ZSCAN31: variants seen among roughly 807,000 people sequenced by gnomAD.
ZSCAN31 encodes the protein zinc finger and SCAN domain-containing protein 31.
In ZSCAN31, 14 loss-of-function variants were observed where a neutral mutation model predicts 22.5. The ratio of observed to expected loss-of-function variants is 0.62; its 90% CI spans 0.41 to 0.97. The LOEUF (loss-of-function observed/expected upper bound fraction) is 0.97. Ranked by LOEUF, ZSCAN31 falls within the 50% of genes least tolerant of loss-of-function variation. ZSCAN31 has a pLI of 0.00. For missense variants in ZSCAN31, 424 were observed against 483.4 expected, an observed-to-expected ratio of 0.88 and a Z score of 1.15; for synonymous variants, 168 against 169.8, an observed-to-expected ratio of 0.99 and a Z score of 0.08.
upstream of ZSCAN31, among the ~76,000 whole-genome samples, chr6:28,339,573 C>T (rs1176800781): frequency 6.6e-6 from 1 of 152,196 alleles, no homozygotes; most frequent in Non-Finnish European, 1.5e-5. Context: ...CAGGCATGAG[C>T]CACCACGCCT....
At position 28,326,464 on chromosome 6, in the gene ZSCAN31, T is replaced by C. The variant is rs768651152; in HGVS notation, c.923A>G (p.Asn308Ser). 4.3e-6 allele frequency: 7 copies of C among 1,614,026 alleles called. No individual in the cohort carries two copies. Among genetic ancestry groups the C allele is most frequent in the Non-Finnish European group, 1.7e-6 (2 of 1,179,978 alleles). Residue 308 changes from asparagine to serine, a missense_variant, in exon 4 of 4, where the codon AAT becomes AGT. Physicochemically the swap from Asn to Ser is conservative, Grantham distance 46 (BLOSUM62 1). Transcript: ENST00000344279. ...GATTCTTCTGTGTCGAGTGAGGCCA[T>C]TGCTGGCACTGAAGGCTTTCCCACA... is the stretch of plus-strand genomic sequence containing the variant. ...KECGKAFSAS[N>S]GLTRHRRIHT... is the part of the protein sequence containing the mutation.
chr6:28,326,703 C>T lies in ZSCAN31; in HGVS notation c.684G>A (p.Lys228=), dbSNP rs778088058. The T allele has an allele frequency of 1.2e-6, 2 of 1,614,188 alleles. No individual in the cohort carries two copies. The highest frequency in any genetic ancestry group is 1.7e-6 in the Non-Finnish European group (2 of 1,180,028). Reference sequence around the variant, plus strand: ...TCTCTCCAGTGGAATGTGCCTGCTGCTTTTCTGCCTTGCTGTCTCGTTTAC... The same window carrying T: ...TCTCTCCAGTGGAATGTGCCTGCTGTTTTTCTGCCTTGCTGTCTCGTTTAC... ...ETCKRDSKAE[K]QQAHSTGERR... Residue 228 remains lysine, a synonymous_variant, in exon 4 of 4, where the codon AAG becomes AAA. Transcript: ENST00000344279.
chr6:28,348,157 C>A (rs1764726432), intron 2 of ZSCAN31, among the ~76,000 whole-genome samples: 1 of 152,024 alleles, frequency 6.6e-6, no homozygotes, highest in Non-Finnish European at 1.5e-5. Flanking sequence ...TATCTTCTCC[C>A]AACCTTTTAA....
At chr6:28,328,189 G>A (rs1763453022) in intron 2 of ZSCAN31, among the ~76,000 whole-genome samples, 1 of 152,356 alleles carries the variant, frequency 6.6e-6, no homozygotes, top group East Asian at 1.9e-4. Flanking sequence ...AATTGCTAAT[G>A]AAGTTTCGGG....
chr6:28,352,324 T>C (rs1459229844), intron 2 of ZSCAN31, among the ~76,000 whole-genome samples: 1 of 152,176 alleles, frequency 6.6e-6, no homozygotes, highest in Non-Finnish European at 1.5e-5. Context: ...TGATTTTTTT[T>C]TCATTGCAAT....
rs142223162 is a variant in ZSCAN31, at chr6:28,329,313, G to C, written c.371C>G (p.Pro124Arg). ...TCTTTCTCCTCTCACCTGGTTCCCTGGCTCACTAAGCTCTTGTTCCAGATC... is the reference window on the plus strand; with the variant it reads ...TCTTTCTCCTCTCACCTGGTTCCCTCGCTCACTAAGCTCTTGTTCCAGATC... ...VEDLEQELSE[P>R]GNQAPDHEHG... The change falls in exon 2 of 4, where the codon CCA becomes CGA. Residue 124 changes from proline (P) to arginine (R), a missense_variant. Physicochemically the swap from Pro to Arg is moderately radical, Grantham distance 103. Transcript: ENST00000344279. 6.3e-7 allele frequency: 1 copy of C among 1,577,798 alleles called. No homozygotes were observed. The highest frequency in any genetic ancestry group is 8.6e-7 in the Non-Finnish European group (1 of 1,165,076).
intron 2 of ZSCAN31, among the ~76,000 whole-genome samples, chr6:28,345,755 C>A (rs547975171): frequency 6.6e-6 from 1 of 152,252 alleles, no homozygotes; most frequent in East Asian, 1.9e-4. Context: ...ACCATGGGAT[C>A]CACTGGTTCT....
chr6:28,339,645 G>A (rs1396238633), upstream of ZSCAN31, among the ~76,000 whole-genome samples: 1 of 152,122 alleles, frequency 6.6e-6, no homozygotes, highest in Non-Finnish European at 1.5e-5. Context: ...ATTTAATTTT[G>A]TAATTTAGCA....
Position 28,326,298 on chromosome 6 carries a change from A to G in ZSCAN31, c.1089T>C (p.Asn363=). ...CRECGKAFIQ[N]AGLFQHLRVH... The stretch of plus-strand genomic sequence containing the variant: ...CTCGGAGATGCTGGAAAAGCCCTGC[A>G]TTCTGAATGAAGGCTTTGCCACACT... Residue 363 remains asparagine (N), a synonymous_variant, in exon 4 of 4, where the codon AAT becomes AAC. Coordinates refer to ENST00000344279, the MANE Select transcript of ZSCAN31 (RefSeq NM_030899.5). 1 of 1,614,200 alleles carries G rather than the reference A, an allele frequency of 6.2e-7. No homozygotes were observed. Among genetic ancestry groups the G allele is most frequent in the Non-Finnish European group, 8.5e-7 (1 of 1,180,034 alleles).
Position 28,327,483 on chromosome 6 carries a change from T to C in ZSCAN31, c.432A>G (p.Glu144=), listed in dbSNP as rs551948604. Reference sequence around the variant, plus strand: ...TTGGTTCCTGCTTGACCTTCAGATGTTCCACATCCTCCAAGAGCACTTCAG... The same window carrying C: ...TTGGTTCCTGCTTGACCTTCAGATGCTCCACATCCTCCAAGAGCACTTCAG... The part of the protein sequence containing the change: ...GHSEVLLEDV[E]HLKVKQEPTD... The change falls in exon 3 of 4, where the codon GAA becomes GAG. Residue 144 remains glutamate (E), a synonymous_variant. Transcript: ENST00000344279. The C allele has an allele frequency of 3.7e-6, 6 of 1,614,014 alleles. No individual in the cohort carries two copies. In the South Asian group the frequency reaches 4.4e-5, roughly 12 times the overall value.
At chr6:28,335,830 C>T (rs1383779383) in intron 1 of ZSCAN31, 1 of 152,256 alleles carries the variant, frequency 6.6e-6, no homozygotes, top group Non-Finnish European at 1.5e-5. Context: ...CTAACCTCAC[C>T]TTTGTGTCTG....
chr6:28,353,979 T>A (rs1765243061), intron 1 of ZSCAN31: 1 of 454,592 alleles, frequency 2.2e-6, no homozygotes, highest in Admixed American at 2.3e-5. Context: ...TATGATTTTA[T>A]TCAGCAGCAG....
intron 1 of ZSCAN31, among the ~76,000 whole-genome samples, chr6:28,334,084 C>T (rs943687781): frequency 2.0e-5 from 3 of 152,130 alleles, no homozygotes; most frequent in Non-Finnish European, 4.4e-5. Context: ...AGAGCTTAAC[C>T]TTTGTAAAAG....
chr6:28,339,495 C>A (rs561979006), upstream of ZSCAN31, among the ~76,000 whole-genome samples: 5 of 151,790 alleles, frequency 3.3e-5, no homozygotes, highest in East Asian at 9.7e-4. Flanking sequence ...GCCGTGTTGG[C>A]CAGGCTGGTC....
In ZSCAN31 at chr6:28,351,664, T is replaced by C. The variant is rs928258238; in HGVS notation, c.-371+2198A>G. Among the ~76,000 whole-genome samples the C allele has an allele frequency of 6.6e-6, 1 of 151,584 alleles. No homozygotes were observed. Among genetic ancestry groups the C allele is most frequent in the Non-Finnish European group, 1.5e-5 (1 of 67,864 alleles). On this transcript the variant is annotated intron_variant, in intron 2 of 7. Transcript: ENST00000396838. This position sits in a 1 kb window ranked among gnomAD's most constrained non-coding sequence, Gnocchi z 4.6. ...CCCTTTTGTCTCCCTCCTTCCCTTT[T>C]ACTTCCTCCCTCTTTCCCTCTCTCC...
chr6:28,329,305 G>T lies in ZSCAN31; in HGVS notation c.379C>A (p.Gln127Lys), dbSNP rs374438030. 5 of 1,571,426 alleles carry T rather than the reference G, an allele frequency of 3.2e-6. No homozygotes were observed. In the East Asian group the frequency reaches 6.7e-5, roughly 21 times the overall value. The change falls in exon 2 of 4, where the codon CAG becomes AAG. Residue 127 changes from glutamine to lysine, a missense_variant and splice_region_variant. Physicochemically the swap from Gln to Lys is moderately conservative, Grantham distance 53. Coordinates refer to ENST00000344279, the MANE Select transcript of ZSCAN31 (RefSeq NM_030899.5). ...LEQELSEPGN[Q>K]APDHEHGHSE... is the part of the protein sequence containing the mutation. ...GAAGTCCATCTTTCTCCTCTCACCT[G>T]GTTCCCTGGCTCACTAAGCTCTTGT... is the stretch of plus-strand genomic sequence containing the variant.
rs1040683909 is a variant in ZSCAN31, at chr6:28,351,751, T to A, written c.-371+2111A>T. 2.0e-5 allele frequency among the ~76,000 whole-genome samples: 3 copies of A among 151,826 alleles called. No individual in the cohort carries two copies. Among genetic ancestry groups the A allele is most frequent in the African/African-American group, 7.3e-5 (3 of 41,284 alleles). ...CCTTCCCTCCCTCTCCCCCTCTTTATCTCTTTTTTTTCCTCATTTCGTCCC... is the reference window on the plus strand; with the variant it reads ...CCTTCCCTCCCTCTCCCCCTCTTTAACTCTTTTTTTTCCTCATTTCGTCCC... On this transcript the variant is annotated intron_variant, in intron 2 of 7. Coordinates refer to the ZSCAN31 transcript ENST00000396838. The surrounding 1 kb of genome is among the most constrained non-coding windows in gnomAD (Gnocchi z 4.6).
chr6:28,343,542 C>CTTTTTTT (rs34131321), intron 2 of ZSCAN31, among the ~76,000 whole-genome samples: 5 of 105,876 alleles, frequency 4.7e-5, no homozygotes, highest in Non-Finnish European at 7.1e-5. Flanking sequence ...TTTTTTCTTT[C>CTTTTTTT]TTTTTTTTTT....
rs1365733699 is a variant in ZSCAN31 at position 28,326,631 on chromosome 6, T to G, written c.756A>C (p.Ser252=). Residue 252 remains serine, a synonymous_variant, in exon 4 of 4, where the codon TCA becomes TCC. Transcript: ENST00000344279. ...NECGKSFTKS[S]VLIEHQRIHT... ...GGATTCTCTGGTGCTCAATGAGTACTGAACTCTTAGTGAAGCTTTTCCCAC... is the reference window on the plus strand; with the variant it reads ...GGATTCTCTGGTGCTCAATGAGTACGGAACTCTTAGTGAAGCTTTTCCCAC... 1.9e-6 allele frequency: 3 copies of G among 1,614,104 alleles called. No homozygotes were observed. The highest frequency in any genetic ancestry group is 1.7e-5 in the Admixed American group (1 of 60,008).
Sources: gnomAD v4.1 joint callset for allele counts (sites outside exome capture counted in the v4.1 genomes callset) on GRCh38, gnomAD v4.1.1 for gene constraint, Gnocchi (gnomAD v3.1) non-coding constraint, MANE v1.5 for transcripts, NCBI Gene and HGNC (gene_info 2026-07-23, HGNC 2026-07-21) for gene names.